Variants in CFAP299 observed in about 807,000 individuals in gnomAD.
CFAP299 encodes the protein cilia- and flagella-associated protein 299.
A neutral mutation model predicts 27.0 loss-of-function variants in CFAP299; 21 were observed. The ratio of observed to expected loss-of-function variants is 0.78; its 90% CI spans 0.55 to 1.12. The LOEUF (loss-of-function observed/expected upper bound fraction) is 1.12. CFAP299 is among the 50% of genes most tolerant of loss of function. The pLI is 0.00. For synonymous variants in CFAP299, 104 were observed against 98.1 expected, an observed-to-expected ratio of 1.06 and a Z score of -0.36; for missense variants, 310 against 276.6, an observed-to-expected ratio of 1.12 and a Z score of -0.86.
rs1553923883 is a variant in CFAP299 at position 80,447,130 on chromosome 4, G to GTTTTTTTTTTTT, written c.242+84258_242+84269dup. Among the ~76,000 whole-genome samples, 113 of 105,278 alleles carry GTTTTTTTTTTTT rather than the reference G, an allele frequency of 1.1e-3. 1 individual carries two copies. Among genetic ancestry groups the GTTTTTTTTTTTT allele is most frequent in the African/African-American group, 3.5e-3 (79 of 22,708 alleles). 69.1% of individuals were successfully genotyped at this position (105,278 alleles called of 152,430 possible). Reference sequence around the variant, plus strand: ...TTTGCTTTTTATTTGTTTTTTTTTTGTTTTTTTTTTTTTTTTTTTTTTTGA... The same window carrying GTTTTTTTTTTTT: ...TTTGCTTTTTATTTGTTTTTTTTTTGTTTTTTTTTTTTTTTTTTTTTTTTTTTTTTTTTTTGA... On this transcript the variant is annotated intron_variant, in intron 2 of 5. Transcript: ENST00000358105.
chr4:80,472,939 AC>A (rs776419987), intron 2 of CFAP299, among the ~76,000 whole-genome samples: 6 of 152,180 alleles, frequency 3.9e-5, no homozygotes, highest in Non-Finnish European at 7.3e-5. Flanking sequence ...GATCTGCCAT[AC>A]AGGTGATTAA....
In CFAP299 at chr4:80,799,864, T is replaced by G. The variant is rs1393398068; in HGVS notation, c.334-70129T>G. Reference sequence around the variant, plus strand: ...ATATTATATAATATATAAATATATATTATATATATTATATTATATAATATA... The same window carrying G: ...ATATTATATAATATATAAATATATAGTATATATATTATATTATATAATATA... On this transcript the variant is annotated intron_variant, in intron 3 of 5. Coordinates refer to ENST00000358105, the MANE Select transcript of CFAP299 (RefSeq NM_152770.3). 9.8e-4 allele frequency among the ~76,000 whole-genome samples: 32 copies of G among 32,552 alleles called. 1 individual carries two copies. The highest frequency in any genetic ancestry group is 4.2e-3 in the African/African-American group (28 of 6,744). The allele number at this position is 32,552 out of a possible 152,430, so 21.4% of individuals were successfully genotyped here.
intron 2 of CFAP299, among the ~76,000 whole-genome samples, chr4:80,569,933 G>C (rs1210898638): frequency 6.6e-6 from 1 of 151,950 alleles, no homozygotes; most frequent in Non-Finnish European, 1.5e-5. Flanking sequence ...TTTAAAAGTG[G>C]AAGTTGACAA....
chr4:80,386,894 T>C (rs548347223), intron 2 of CFAP299: 32 of 841,538 alleles, frequency 3.8e-5, no homozygotes, highest in Non-Finnish European at 5.2e-5. Context: ...ACACCGAGCA[T>C]TTGTAGGGCT....
chr4:80,864,502 A>C (rs541746020), intron 3 of CFAP299, among the ~76,000 whole-genome samples: 1 of 147,364 alleles, frequency 6.8e-6, no homozygotes, highest in African/African-American at 2.5e-5. Context: ...ATATATATAC[A>C]TATATACCTA....
chr4:80,564,789 A>T (rs1462480936), intron 2 of CFAP299, among the ~76,000 whole-genome samples: 1 of 152,010 alleles, frequency 6.6e-6, no homozygotes, highest in South Asian at 2.1e-4. Context: ...CCACCAAAAA[A>T]AAAGCAAACA....
At chr4:80,322,913 C>A in the CFAP299 span, among the ~76,000 whole-genome samples, 16 of 152,278 alleles carry the variant, frequency 1.1e-4, no homozygotes, top group African/African-American at 3.9e-4. Context: ...GTGACTGGAT[C>A]TTGTTCTCTG....
chr4:80,402,727 A>G lies in CFAP299; in HGVS notation c.242+39843A>G, dbSNP rs562069586. Reference sequence around the variant, plus strand: ...CTGGTATCAGAGCAAACTGCTCTGGATTTCTAACAATATTCTCCTGCCTCA... The same window carrying G: ...CTGGTATCAGAGCAAACTGCTCTGGGTTTCTAACAATATTCTCCTGCCTCA... On this transcript the variant is annotated intron_variant, in intron 2 of 5. Transcript: ENST00000358105. Among the ~76,000 whole-genome samples, 8 of 152,330 alleles carry G rather than the reference A, an allele frequency of 5.3e-5. No individual in the cohort carries two copies. In the South Asian group the frequency reaches 1.5e-3, roughly 28 times the overall value.
chr4:80,577,280 G>A (rs1222090912), intron 2 of CFAP299, among the ~76,000 whole-genome samples: 1 of 151,842 alleles, frequency 6.6e-6, no homozygotes, highest in African/African-American at 2.4e-5. Flanking sequence ...TTTGCAAAAT[G>A]TCTAGCATAG....
intron 4 of CFAP299, among the ~76,000 whole-genome samples, chr4:80,919,683 A>T (rs1735944426): frequency 6.6e-6 from 1 of 152,202 alleles, no homozygotes; most frequent in African/African-American, 2.4e-5. Context: ...TATCTGGTAC[A>T]CATAGACTCA....
intron 2 of CFAP299, among the ~76,000 whole-genome samples, chr4:80,557,456 A>G (rs184751938): frequency 3.3e-5 from 5 of 152,190 alleles, no homozygotes; most frequent in Non-Finnish European, 7.4e-5. Flanking sequence ...GCATTAGTTA[A>G]TAAGATACTT....
At chr4:80,455,098 A>C (rs556522405) in intron 2 of CFAP299, among the ~76,000 whole-genome samples, 2 of 152,192 alleles carry the variant, frequency 1.3e-5, no homozygotes, top group South Asian at 4.1e-4. Context: ...CAAGGTTTCA[A>C]ATCTTGAGGC....
intron 3 of CFAP299, among the ~76,000 whole-genome samples, chr4:80,614,368 GGA>G (rs1738163001): frequency 6.6e-6 from 1 of 152,178 alleles, no homozygotes; most frequent in African/African-American, 2.4e-5. Flanking sequence ...TATATTTAAT[GGA>G]GATGACAAAC....
chr4:80,812,562 C>T (rs1191503636), intron 3 of CFAP299, among the ~76,000 whole-genome samples: 3 of 151,986 alleles, frequency 2.0e-5, no homozygotes, highest in Non-Finnish European at 4.4e-5. Context: ...AACCACTTAC[C>T]ATCTCCAAGA....
At chr4:80,938,666 C>G (rs1275150248) in intron 4 of CFAP299, among the ~76,000 whole-genome samples, 3 of 152,154 alleles carry the variant, frequency 2.0e-5, no homozygotes, top group African/African-American at 7.2e-5. Context: ...TCTAGCGCTG[C>G]TAGGTTAGGG....
At chr4:80,882,133 G>A (rs193208252) in intron 4 of CFAP299, among the ~76,000 whole-genome samples, 12 of 152,162 alleles carry the variant, frequency 7.9e-5, no homozygotes, top group Admixed American at 7.8e-4. Context: ...ATCAATATAC[G>A]TGTTATGGAA....
At chr4:80,747,577 T>A (rs1724694824) in intron 3 of CFAP299, among the ~76,000 whole-genome samples, 1 of 152,042 alleles carries the variant, frequency 6.6e-6, no homozygotes, top group South Asian at 2.1e-4. Flanking sequence ...CCTGGTTTCC[T>A]TATTATTATT....
At chr4:80,834,380 C>G (rs1233487645) in intron 3 of CFAP299, among the ~76,000 whole-genome samples, 1 of 152,130 alleles carries the variant, frequency 6.6e-6, no homozygotes, top group Non-Finnish European at 1.5e-5. Context: ...CCATAAAGCT[C>G]TTGAGAAAGT....
intron 3 of CFAP299, among the ~76,000 whole-genome samples, chr4:80,788,384 G>A (rs978788343): frequency 4.0e-5 from 6 of 151,840 alleles, no homozygotes; most frequent in Non-Finnish European, 8.8e-5. Context: ...ACTAACTGTT[G>A]GATAACTTGG....
Sources: gnomAD v4.1 joint callset for allele counts (sites outside exome capture counted in the v4.1 genomes callset) on GRCh38, gnomAD v4.1.1 for gene constraint, MANE v1.5 for transcripts, NCBI Gene and HGNC (gene_info 2026-07-23, HGNC 2026-07-21) for gene names.